MYO10: variants seen among roughly 807,000 people sequenced by gnomAD.
MYO10 encodes unconventional myosin-X.
A neutral mutation model predicts 257.3 loss-of-function variants in MYO10; 133 were observed. The observed-to-expected ratio is 0.52, with a 90% CI of 0.45 to 0.60. The LOEUF is 0.60. MYO10 is among the 20% of genes least tolerant of loss of function. The probability of loss-of-function intolerance (pLI) is 0.00; values close to 1 mark genes in which losing one functional copy is unlikely to be tolerated. For missense variants in MYO10, 2,399 were observed against 2,635.7 expected, an observed-to-expected ratio of 0.91 and a Z score of 1.97; for synonymous variants, 1,104 against 1,028.6, an observed-to-expected ratio of 1.07 and a Z score of -1.40.
At chr5:16,870,370 G>T (rs370241702) in intron 2 of MYO10, among the ~76,000 whole-genome samples, 14 of 151,170 alleles carry the variant, frequency 9.3e-5, no homozygotes, top group Non-Finnish European at 2.9e-5. Context: ...TTTCAGGAAC[G>T]TCTTCAAAAT....
chr5:16,687,975 G>A (rs921420969), intron 28 of MYO10, among the ~76,000 whole-genome samples: 6 of 152,170 alleles, frequency 3.9e-5, no homozygotes, highest in African/African-American at 1.4e-4. Context: ...CTTGGAATCT[G>A]AAAAGGAATT....
intron 1 of MYO10, among the ~76,000 whole-genome samples, chr5:16,886,961 CAAAA>C (rs1254483146): frequency 1.4e-5 from 2 of 145,202 alleles, no homozygotes; most frequent in Admixed American, 6.9e-5. Flanking sequence ...AAAGCAAAAA[CAAAA>C]AAACACTATT....
intron 14 of MYO10, among the ~76,000 whole-genome samples, chr5:16,762,968 G>GGA (rs1332954891): frequency 8.5e-6 from 1 of 117,582 alleles, no homozygotes; most frequent in African/African-American, 3.2e-5. Context: ...CGTCTCAGGG[G>GGA]AAAAAAAAAA....
intron 38 of MYO10, 148 bp downstream of exon 38, chr5:16,671,274 C>A (rs1027887015): frequency 9.6e-7 from 1 of 1,036,800 alleles, no homozygotes; most frequent in Non-Finnish European, 1.4e-6. Flanking sequence ...ATTCTACAAA[C>A]GAATGAAAGA....
chr5:16,787,625 A>C (rs942954917), intron 4 of MYO10, among the ~76,000 whole-genome samples: 8 of 149,172 alleles, frequency 5.4e-5, no homozygotes, highest in Non-Finnish European at 1.0e-4. Context: ...AAAAAAAAAA[A>C]AAAAAAAAAC....
At chr5:16,705,479 T>C (rs765651278) in intron 21 of MYO10, among the ~76,000 whole-genome samples, 14 of 152,256 alleles carry the variant, frequency 9.2e-5, no homozygotes, top group Non-Finnish European at 1.6e-4. Context: ...CAGGACCTTC[T>C]CTTGATAAAG....
chr5:16,678,024 G>C (rs536935942), intron 33 of MYO10, among the ~76,000 whole-genome samples: 2 of 152,040 alleles, frequency 1.3e-5, no homozygotes, highest in East Asian at 1.9e-4. Context: ...GCCTCCCAAA[G>C]TGCTCAGATT....
chr5:16,924,817 T>C (rs1365616065), intron 1 of MYO10, among the ~76,000 whole-genome samples: 3 of 144,902 alleles, frequency 2.1e-5, no homozygotes, highest in Non-Finnish European at 4.5e-5. Flanking sequence ...TGGTATCAAC[T>C]ATCACTTTAT....
At chr5:16,883,140 C>T (rs1378787221) in intron 1 of MYO10, among the ~76,000 whole-genome samples, 2 of 152,060 alleles carry the variant, frequency 1.3e-5, no homozygotes, top group African/African-American at 4.8e-5. Flanking sequence ...TGGTCTTGAT[C>T]TCCTGACCTT....
chr5:16,766,320 T>C, intron 10 of MYO10, 122 bp from the exon 11 acceptor site: 1 of 704,990 alleles, frequency 1.4e-6, no homozygotes, highest in Non-Finnish European at 2.5e-6. Flanking sequence ...GATTGCATGT[T>C]ATTGCTAAGT....
rs1036127875 is a variant in MYO10 at position 16,671,354 on chromosome 5, G to A, written c.5430+68C>T. 1.9e-5 allele frequency: 29 copies of A among 1,562,158 alleles called. No homozygotes were observed. The African/African-American group carries it at 3.4e-4, about 18-fold the overall frequency. On this transcript the variant is annotated intron_variant, in intron 38 of 40. Transcript: ENST00000513610. ...TTTCTAAGTACCAGTTAACTTACAA[G>A]GCTAAGTATTAACAGGTTTCACCCT...
intron 1 of MYO10, among the ~76,000 whole-genome samples, chr5:16,891,909 C>T (rs998776048): frequency 3.3e-5 from 5 of 152,294 alleles, no homozygotes; most frequent in African/African-American, 9.6e-5. Flanking sequence ...AGTTCACAAG[C>T]GAGACCTGTA....
intron 19 of MYO10, among the ~76,000 whole-genome samples, chr5:16,750,443 C>T (rs939993394): frequency 3.3e-5 from 5 of 151,870 alleles, no homozygotes; most frequent in African/African-American, 1.2e-4. Flanking sequence ...CAAAAGCTCA[C>T]AAAGGATTTC....
chr5:16,757,316 GCACACA>G (rs1183703448), intron 18 of MYO10, among the ~76,000 whole-genome samples: 4 of 81,004 alleles, frequency 4.9e-5, no homozygotes, highest in South Asian at 4.3e-4. Flanking sequence ...ACACACACAC[GCACACA>G]CACACACACA....
intron 19 of MYO10, among the ~76,000 whole-genome samples, chr5:16,713,840 T>A (rs995277824): frequency 6.6e-6 from 1 of 152,198 alleles, no homozygotes; most frequent in African/African-American, 2.4e-5. Context: ...AAAACTCTGC[T>A]ACTGCGCTGC....
At chr5:16,886,187 A>G (rs187250090) in intron 1 of MYO10, among the ~76,000 whole-genome samples, 1 of 152,342 alleles carries the variant, frequency 6.6e-6, no homozygotes, top group Non-Finnish European at 1.5e-5. Context: ...GCGGAGCTGA[A>G]GGAGATGGCA....
intron 19 of MYO10, among the ~76,000 whole-genome samples, chr5:16,745,727 A>G (rs1740174620): frequency 6.6e-6 from 1 of 152,112 alleles, no homozygotes; most frequent in African/African-American, 2.4e-5. Context: ...TTAAAAAAGC[A>G]CCTGGCTACC....
At chr5:16,761,206 G>C (rs1740704005) in intron 17 of MYO10, among the ~76,000 whole-genome samples, 1 of 152,070 alleles carries the variant, frequency 6.6e-6, no homozygotes, top group Admixed American at 6.6e-5. Context: ...GGCCAGGCTG[G>C]TCTCAAACTC....
chr5:16,775,598 T>TTTGC (rs1741189055), intron 9 of MYO10, among the ~76,000 whole-genome samples: 1 of 151,672 alleles, frequency 6.6e-6, no homozygotes, highest in Non-Finnish European at 1.5e-5. Context: ...ATTTTGTTTG[T>TTTGC]TTGTTTGTTT....
Sources: gnomAD v4.1 joint callset for allele counts (sites outside exome capture counted in the v4.1 genomes callset) on GRCh38, gnomAD v4.1.1 for gene constraint, MANE v1.5 for transcripts, NCBI Gene and HGNC (gene_info 2026-07-23, HGNC 2026-07-21) for gene names.